Variants in EEA1 observed in about 807,000 individuals in gnomAD.
EEA1 encodes the protein early endosome antigen 1, 162kD.
Under a neutral mutation model 209.2 loss-of-function variants are expected in EEA1, and 111 were observed. That is an observed-to-expected ratio of 0.53 (90% CI 0.45 to 0.62). The LOEUF (loss-of-function observed/expected upper bound fraction) is 0.62. EEA1 is among the 20% of genes least tolerant of loss of function. The probability of loss-of-function intolerance (pLI) is 0.00; values close to 1 mark genes in which losing one functional copy is unlikely to be tolerated. For missense variants in EEA1, 1,343 were observed against 1,530.8 expected (o/e 0.88, Z 2.05); for synonymous variants, 536 against 540.6 (o/e 0.99, Z 0.12).
rs1264142223 is a variant in EEA1, at chr12:92,843,119, G to A, written c.799-538C>T. Among the ~76,000 whole-genome samples, 3 of 152,106 alleles carry A rather than the reference G, an allele frequency of 2.0e-5. No individual in the cohort carries two copies. The East Asian group carries it at 5.8e-4, about 29-fold the overall frequency. On this transcript the variant is annotated intron_variant, in intron 9 of 28. Transcript: ENST00000322349. The stretch of plus-strand genomic sequence containing the variant: ...TTAAGCTAGATCACTATATGGTCAG[G>A]TATAACCGTCAGGCATGAACTTGCT...
intron 1 of EEA1, among the ~76,000 whole-genome samples, chr12:92,900,737 TG>T (rs1317616027): frequency 6.6e-6 from 1 of 151,860 alleles, no homozygotes; most frequent in Non-Finnish European, 1.5e-5. Flanking sequence ...GGTGTGATCT[TG>T]GCTCACTGCA....
rs1201331376 is a variant in EEA1, at chr12:92,816,227, C to T, written c.1902G>A (p.Lys634=). The T allele has an allele frequency of 3.7e-6, 6 of 1,613,724 alleles. No homozygotes were observed. The highest frequency in any genetic ancestry group is 4.2e-6 in the Non-Finnish European group (5 of 1,179,766). The change falls in exon 15 of 29, where the codon AAG becomes AAA. Residue 634 remains lysine, a synonymous_variant. Transcript: ENST00000322349. ...GTATGTCAAGCTGGGAGACCTTCTCCTTGCTTTCATTTAATTGACTATTTA... is the reference window on the plus strand; with the variant it reads ...GTATGTCAAGCTGGGAGACCTTCTCTTTGCTTTCATTTAATTGACTATTTA... ...NELNSQLNES[K]EKVSQLDIQI...
At chr12:92,824,969 T>C (rs1001687000) in intron 13 of EEA1, among the ~76,000 whole-genome samples, 4 of 152,236 alleles carry the variant, frequency 2.6e-5, no homozygotes, top group Non-Finnish European at 5.9e-5. Context: ...TCTATCCATC[T>C]GACTCCCATG....
intron 2 of EEA1, among the ~76,000 whole-genome samples, chr12:92,868,882 C>A (rs889115996): frequency 6.6e-6 from 1 of 152,014 alleles, no homozygotes; most frequent in Non-Finnish European, 1.5e-5. Context: ...TTCTGGCAAG[C>A]CTCTTTAATT....
Position 92,777,931 on chromosome 12 carries a change from TATCA to T in EEA1, c.3893+6_3893+9del. ...ATGGAAATAAACTAATTTTACTAGATATCAATCACCTTTCCAGTAGTGCTCTCCT... is the reference window on the plus strand; with the variant it reads ...ATGGAAATAAACTAATTTTACTAGATATCACCTTTCCAGTAGTGCTCTCCT... On this transcript the variant is annotated splice_donor_region_variant and intron_variant, in intron 26 of 28. Transcript: ENST00000322349. The T allele has an allele frequency of 1.9e-6, 3 of 1,599,276 alleles. No homozygotes were observed. The highest frequency in any genetic ancestry group is 2.6e-6 in the Non-Finnish European group (3 of 1,167,802).
In EEA1 at chr12:92,851,146, A is replaced by G. The variant is rs746270562; in HGVS notation, c.763T>C (p.Cys255Arg). 9 of 1,613,290 alleles carry G rather than the reference A, an allele frequency of 5.6e-6. No individual in the cohort carries two copies. Among genetic ancestry groups the G allele is most frequent in the Non-Finnish European group, 5.9e-6 (7 of 1,179,798 alleles). Reference sequence around the variant, plus strand: ...GCATATTGTGACTGCAATTTTTTGCATTCATCTTTGAGTTTTTCAGATTCT... The same window carrying G: ...GCATATTGTGACTGCAATTTTTTGCGTTCATCTTTGAGTTTTTCAGATTCT... ...ERESEKLKDE[C>R]KKLQSQYASS... is the part of the protein sequence containing the mutation. The change falls in exon 9 of 29, where the codon TGC becomes CGC. Residue 255 changes from cysteine (C) to arginine (R), a missense_variant. By Grantham distance (180) the Cys-to-Arg change is radical. Transcript: ENST00000322349.
chr12:92,809,633 T>G (rs373830752), intron 17 of EEA1, among the ~76,000 whole-genome samples: 2 of 151,056 alleles, frequency 1.3e-5, no homozygotes, highest in African/African-American at 4.9e-5. Flanking sequence ...AGGCAGAGGT[T>G]GCAGCGAGCT....
intron 3 of EEA1, chr12:92,858,448 T>C (rs900107420): frequency 3.3e-6 from 4 of 1,214,062 alleles, no homozygotes; most frequent in Non-Finnish European, 4.9e-6. Context: ...GGTGTTCATC[T>C]TGACAGAAAT....
chr12:92,909,649 G>A (rs979247183), intron 1 of EEA1, among the ~76,000 whole-genome samples: 1 of 152,236 alleles, frequency 6.6e-6, no homozygotes, highest in African/African-American at 2.4e-5. Flanking sequence ...TAGGTCATGG[G>A]AGTTCCACCC....
intron 9 of EEA1, among the ~76,000 whole-genome samples, chr12:92,848,971 C>T (rs1877498747): frequency 6.6e-6 from 1 of 152,050 alleles, no homozygotes; most frequent in Non-Finnish European, 1.5e-5. Context: ...AATCTGCCTG[C>T]CTCAGCTGCC....
At chr12:92,806,942 A>ATTTTTTCTTTTTTTTTTT (rs1875238530) in intron 18 of EEA1, among the ~76,000 whole-genome samples, 1 of 147,394 alleles carries the variant, frequency 6.8e-6, no homozygotes, top group African/African-American at 2.5e-5. Context: ...TTTTTTAATA[A>ATTTTTTCTTTTTTTTTTT]TTTTTTTTTT....
chr12:92,865,076 G>T, intron 2 of EEA1, 89 bp from the exon 3 acceptor site: 1 of 1,053,744 alleles, frequency 9.5e-7, no homozygotes, highest in Non-Finnish European at 1.3e-6. Context: ...CCAAATGTCT[G>T]AATCATACCA....
intron 20 of EEA1, among the ~76,000 whole-genome samples, chr12:92,800,811 G>C (rs966236808): frequency 6.6e-6 from 1 of 152,224 alleles, no homozygotes; most frequent in Non-Finnish European, 1.5e-5. Context: ...AAATGGCATA[G>C]CCAGGATATA....
chr12:92,890,241 AGTAGAG>A (rs1278957136), intron 2 of EEA1, among the ~76,000 whole-genome samples: 1 of 152,180 alleles, frequency 6.6e-6, no homozygotes, highest in African/African-American at 2.4e-5. Context: ...AATTATATGA[AGTAGAG>A]GTAAAAAGTG....
Position 92,776,143 on chromosome 12 carries a change from A to G in EEA1, c.4114-10T>C. The G allele has an allele frequency of 1.3e-6, 2 of 1,598,940 alleles. No individual in the cohort carries two copies. Among genetic ancestry groups the G allele is most frequent in the Non-Finnish European group, 1.7e-6 (2 of 1,172,428 alleles). ...ACTGTCGGCAGTGATGCTGTAAATG[A>G]CAAAAATTAAACAATTTCAAGAATA... On this transcript the variant is annotated splice_polypyrimidine_tract_variant and intron_variant, in intron 28 of 28. Coordinates refer to ENST00000322349, the MANE Select transcript of EEA1 (RefSeq NM_003566.4).
At chr12:92,793,871 A>T (rs576574442) in intron 21 of EEA1, among the ~76,000 whole-genome samples, 180 of 152,216 alleles carry the variant, frequency 1.2e-3, no homozygotes, top group African/African-American at 4.1e-3. Flanking sequence ...AAGACAAAAT[A>T]GACAAATGGG....
chr12:92,773,415 T>TTA lies in EEA1; in HGVS notation c.*2594_*2595dup, dbSNP rs1293427592. On this transcript the variant is annotated 3_prime_UTR_variant, in exon 29 of 29. Coordinates refer to ENST00000322349, the MANE Select transcript of EEA1 (RefSeq NM_003566.4). ...CATTAAGAGGTAGTTGAACAAAATGTTATTTATACACTGCATTGAGGTTTT... is the reference window on the plus strand; with the variant it reads ...CATTAAGAGGTAGTTGAACAAAATGTTATATTTATACACTGCATTGAGGTTTT... 1 of 152,130 alleles carries TTA rather than the reference T, an allele frequency of 6.6e-6. No homozygotes were observed. The highest frequency in any genetic ancestry group is 1.5e-5 in the Non-Finnish European group (1 of 67,684). 9.4% of individuals were successfully genotyped at this position (152,130 alleles called of 1,614,324 possible).
intron 14 of EEA1, 44 bp downstream of exon 14, chr12:92,819,264 G>T: frequency 6.8e-7 from 1 of 1,461,550 alleles, no homozygotes; most frequent in Non-Finnish European, 9.3e-7. Flanking sequence ...GACTTAGAGA[G>T]ACAGAAGTAA....
intron 9 of EEA1, among the ~76,000 whole-genome samples, chr12:92,845,165 T>C (rs115146192): frequency 7.8e-4 from 119 of 152,210 alleles, no homozygotes; most frequent in African/African-American, 2.7e-3. Flanking sequence ...CTAAAATTTT[T>C]ATATAGATAA....
Sources: gnomAD v4.1 joint callset for allele counts (sites outside exome capture counted in the v4.1 genomes callset) on GRCh38, gnomAD v4.1.1 for gene constraint, MANE v1.5 for transcripts, NCBI Gene and HGNC (gene_info 2026-07-23, HGNC 2026-07-21) for gene names.